The following SGK3 variants were observed in gnomAD, a reference collection of about 807,000 sequenced individuals.
The protein encoded by SGK3 is serum/glucocorticoid regulated kinase family member 3.
In SGK3, 47 loss-of-function variants were observed where a neutral mutation model predicts 68.5. That is an observed-to-expected ratio of 0.69 (90% CI 0.54 to 0.87). The LOEUF (loss-of-function observed/expected upper bound fraction) is 0.87. SGK3 is among the 40% of genes least tolerant of loss of function. The pLI is 0.00. For synonymous variants in SGK3, 181 were observed against 189.1 expected (o/e 0.96, Z 0.35); for missense variants, 479 against 575.5 (o/e 0.83, Z 1.72).
chr8:66,812,913 A>T (rs1808436835), intron 4 of SGK3, among the ~76,000 whole-genome samples: 1 of 152,224 alleles, frequency 6.6e-6, no homozygotes, highest in South Asian at 2.1e-4. Flanking sequence ...TTTATTCCTA[A>T]ATTGCTATTG....
intron 1 of SGK3, among the ~76,000 whole-genome samples, chr8:66,723,110 TATATATATATATATATA>T (rs1268693372): frequency 7.5e-4 from 36 of 47,724 alleles, no homozygotes; most frequent in Non-Finnish European, 1.2e-3. Context: ...TATATATATA[TATATATATATATATATA>T]TATATTTTTT....
At chr8:66,839,055 A>G (rs1239471305) in intron 10 of SGK3, among the ~76,000 whole-genome samples, 2 of 152,158 alleles carry the variant, frequency 1.3e-5, no homozygotes, top group East Asian at 3.9e-4. Context: ...AACCAACAGA[A>G]TGGATAAAGT....
chr8:66,721,058 C>T (rs1393380941), intron 1 of SGK3, among the ~76,000 whole-genome samples: 1 of 152,216 alleles, frequency 6.6e-6, no homozygotes, highest in African/African-American at 2.4e-5. Flanking sequence ...ACAGCACCGC[C>T]ACCAATGGTG....
chr8:66,771,423 G>C (rs189806330), intron 1 of SGK3, among the ~76,000 whole-genome samples: 5 of 152,250 alleles, frequency 3.3e-5, no homozygotes, highest in African/African-American at 4.8e-5. Context: ...ACTCTTACTT[G>C]GTAGTCATTT....
chr8:66,730,846 T>C (rs967856189), intron 1 of SGK3, among the ~76,000 whole-genome samples: 34 of 113,158 alleles, frequency 3.0e-4, no homozygotes, highest in Non-Finnish European at 8.1e-5. Context: ...CCTGGCTAAT[T>C]TTTTTTTTTT....
At chr8:66,738,341 C>T (rs531113037) in intron 1 of SGK3, among the ~76,000 whole-genome samples, 1 of 152,224 alleles carries the variant, frequency 6.6e-6, no homozygotes, top group East Asian at 1.9e-4. Flanking sequence ...AATTGTGACA[C>T]CCCCCATTCT....
intron 1 of SGK3, among the ~76,000 whole-genome samples, chr8:66,785,834 C>T (rs1807176710): frequency 1.3e-5 from 2 of 152,232 alleles, no homozygotes; most frequent in South Asian, 4.1e-4. Context: ...ACTTAAGCCT[C>T]TTTGGAAGAG....
chr8:66,716,556 T>G (rs1586663245), intron 1 of SGK3, among the ~76,000 whole-genome samples: 1 of 34,288 alleles, frequency 2.9e-5, no homozygotes, highest in Non-Finnish European at 5.6e-5. Flanking sequence ...TCTGCTTTCT[T>G]TGGGCGGGGG....
At chr8:66,749,969 G>GTGTA (rs1805766551) in intron 1 of SGK3, among the ~76,000 whole-genome samples, 1 of 148,148 alleles carries the variant, frequency 6.8e-6, no homozygotes, top group African/African-American at 2.5e-5. Flanking sequence ...GTGTGTGTAT[G>GTGTA]TGTGTAAATC....
intron 6 of SGK3, among the ~76,000 whole-genome samples, chr8:66,825,405 T>C (rs774177935): frequency 2.7e-5 from 4 of 150,908 alleles, no homozygotes; most frequent in Non-Finnish European, 4.4e-5. Flanking sequence ...CTTGGCTCAC[T>C]GCAAGCTCCG....
intron 16 of SGK3, among the ~76,000 whole-genome samples, chr8:66,852,395 C>T (rs960399931): frequency 6.7e-6 from 1 of 150,002 alleles, no homozygotes; most frequent in African/African-American, 2.5e-5. Flanking sequence ...GATTCTCCTA[C>T]CTCAGCCTCC....
intron 16 of SGK3, among the ~76,000 whole-genome samples, chr8:66,854,760 G>T (rs971462184): frequency 6.6e-6 from 1 of 152,090 alleles, no homozygotes; most frequent in South Asian, 2.1e-4. Context: ...GGAGAAAAAA[G>T]GAATTAACTT....
intron 16 of SGK3, among the ~76,000 whole-genome samples, chr8:66,853,527 T>TA (rs1810381333): frequency 6.6e-6 from 1 of 152,232 alleles, no homozygotes; most frequent in African/African-American, 2.4e-5. Context: ...TTGACCATGC[T>TA]AAGCTTCAGT....
intron 7 of SGK3, among the ~76,000 whole-genome samples, chr8:66,829,080 T>C (rs1809191295): frequency 6.6e-6 from 1 of 151,914 alleles, no homozygotes; most frequent in Non-Finnish European, 1.5e-5. Context: ...GCAGGCCTAA[T>C]TGACATTCTG....
Position 66,725,402 on chromosome 8 carries a change from G to GA in SGK3, c.-122+12581dup, listed in dbSNP as rs376937192. 2.7e-3 allele frequency among the ~76,000 whole-genome samples: 379 copies of GA among 139,482 alleles called. 1 individual carries two copies. The highest frequency in any genetic ancestry group is 6.8e-3 in the African/African-American group (260 of 38,510). 91.5% of individuals were successfully genotyped at this position (139,482 alleles called of 152,430 possible). A position where few individuals can be genotyped will look rare whatever the true frequency, so the allele number is the denominator to read the frequency against. ...TGGGTGACAGAGTAAGAGTGTCTCA[G>GA]AAAAAAAAAAAAGACAGTGTTTATC... On this transcript the variant is annotated intron_variant, in intron 1 of 16. Transcript: ENST00000521198.
intron 5 of SGK3, among the ~76,000 whole-genome samples, chr8:66,818,596 G>GTAAC (rs2130658997): frequency 6.6e-6 from 1 of 152,178 alleles, no homozygotes; most frequent in African/African-American, 2.4e-5. Flanking sequence ...CTTCCCAAAG[G>GTAAC]TAACTACCAG....
intron 5 of SGK3, among the ~76,000 whole-genome samples, chr8:66,814,924 T>C (rs781391803): frequency 6.6e-6 from 1 of 152,244 alleles, no homozygotes; most frequent in African/African-American, 2.4e-5. Flanking sequence ...ATAGTACTTG[T>C]ATGTATAAAG....
Position 66,861,815 on chromosome 8 carries a change from G to C in SGK3, c.*2234G>C, listed in dbSNP as rs1286901520. On this transcript the variant is annotated 3_prime_UTR_variant, in exon 17 of 17. Transcript: ENST00000521198. ...TTTATTTGGCACTACTGTAAGTTTT[G>C]TTTTTCACAAAGCTCTTATTATGAA... 6.6e-6 allele frequency: 1 copy of C among 151,972 alleles called. No individual in the cohort carries two copies. The highest frequency in any genetic ancestry group is 2.4e-5 in the African/African-American group (1 of 41,374). 9.4% of individuals were successfully genotyped at this position (151,972 alleles called of 1,614,324 possible).
At chr8:66,717,522 C>A (rs1433343197) in intron 1 of SGK3, among the ~76,000 whole-genome samples, 1 of 151,160 alleles carries the variant, frequency 6.6e-6, no homozygotes, top group Non-Finnish European at 1.5e-5. Flanking sequence ...AGTGAGACTC[C>A]TTCTCAAAAA....
Sources: allele counts gnomAD v4.1 joint callset (sites outside exome capture counted in the v4.1 genomes callset), GRCh38; gene constraint gnomAD v4.1.1; transcripts MANE v1.5; gene names NCBI Gene and HGNC (gene_info 2026-07-23, HGNC 2026-07-21).